Variants in APAF1 observed in about 807,000 individuals in gnomAD.
APAF1 encodes the protein apoptotic protease-activating factor 1.
APAF1 carries 91 observed loss-of-function variants against 152.4 expected under a neutral mutation model. That is an observed-to-expected ratio of 0.60 (90% CI 0.50 to 0.71). The LOEUF (loss-of-function observed/expected upper bound fraction) is 0.71, where lower values mean the gene tolerates loss of function less well. Among genes scored for constraint, APAF1 ranks in the 30% least tolerant of loss-of-function variants. APAF1 has a pLI of 0.00. For synonymous variants in APAF1, 484 were observed against 494.1 expected (o/e 0.98, Z 0.27); for missense variants, 1,283 against 1,472.0 (o/e 0.87, Z 2.10).
intron 26 of APAF1, among the ~76,000 whole-genome samples, chr12:98,729,317 T>G (rs1490728420): frequency 2.0e-5 from 3 of 152,116 alleles, no homozygotes; most frequent in Non-Finnish European, 4.4e-5. Context: ...TGGTAGGAAG[T>G]GGGGAGCGGG....
At chr12:98,696,004 G>A (rs1015190353) in intron 16 of APAF1, among the ~76,000 whole-genome samples, 4 of 152,130 alleles carry the variant, frequency 2.6e-5, no homozygotes, top group Admixed American at 2.0e-4. Flanking sequence ...TGATTTTGTT[G>A]CTGCTGTCTC....
At chr12:98,722,260 C>CT (rs569615516) in intron 22 of APAF1, among the ~76,000 whole-genome samples, 162 of 152,256 alleles carry the variant, frequency 1.1e-3, no homozygotes, top group African/African-American at 3.7e-3. Flanking sequence ...TAAGGAATTA[C>CT]TTTTTTTGAG....
chr12:98,652,282 AC>A (rs1423843150), intron 4 of APAF1, among the ~76,000 whole-genome samples: 2 of 152,188 alleles, frequency 1.3e-5, no homozygotes, highest in Non-Finnish European at 2.9e-5. Flanking sequence ...ATATACAAAT[AC>A]CAAATTTGAT....
At chr12:98,687,340 C>A (rs376505007) in intron 16 of APAF1, among the ~76,000 whole-genome samples, 9 of 145,754 alleles carry the variant, frequency 6.2e-5, no homozygotes, top group Non-Finnish European at 8.9e-5. Context: ...CCAGCCTGGG[C>A]GACAGAGTGA....
chr12:98,723,170 A>C (rs1316115046), intron 22 of APAF1, 23 bp from the exon 23 acceptor site: 1 of 1,611,472 alleles, frequency 6.2e-7, no homozygotes, highest in African/African-American at 1.3e-5. Context: ...GGATTATAAC[A>C]GACTTATTTC....
chr12:98,695,057 T>C (rs930807898), intron 16 of APAF1, among the ~76,000 whole-genome samples: 1 of 151,026 alleles, frequency 6.6e-6, no homozygotes, highest in African/African-American at 2.5e-5. Flanking sequence ...TTTCTTGCAT[T>C]TTTTTTCCCT....
At position 98,735,003 on chromosome 12, in the gene APAF1, C is replaced by T. The variant is rs1459442199; in HGVS notation, c.*2437C>T. The T allele has an allele frequency of 5.1e-6, 2 of 388,368 alleles. No homozygotes were observed. The highest frequency in any genetic ancestry group is 9.1e-6 in the Non-Finnish European group (2 of 220,598). The allele number at this position is 388,368 out of a possible 1,614,324, so 24.1% of individuals were successfully genotyped here. ...TGGCACGTGCCTGTAATCCCAGCTC[C>T]TTGGGAGGCTAAGACAGGAGGATTC... is the stretch of plus-strand genomic sequence containing the variant. On this transcript the variant is annotated 3_prime_UTR_variant, in exon 27 of 27. Transcript: ENST00000551964.
intron 16 of APAF1, among the ~76,000 whole-genome samples, chr12:98,692,199 C>G (rs918796572): frequency 6.6e-6 from 1 of 152,124 alleles, no homozygotes; most frequent in African/African-American, 2.4e-5. Context: ...TCTCCTGCCT[C>G]AGCCTCCCTA....
intron 18 of APAF1, among the ~76,000 whole-genome samples, chr12:98,704,389 T>TA (rs2097719107): frequency 6.6e-6 from 1 of 152,174 alleles, no homozygotes; most frequent in East Asian, 1.9e-4. Flanking sequence ...TTTTGGAAAA[T>TA]AGAGAAATTC....
rs745791119 is a variant in APAF1, at chr12:98,686,836, A to T, written c.2267A>T (p.Lys756Met). The change falls in exon 16 of 27, where the codon AAG becomes ATG. Residue 756 changes from lysine to methionine, a missense_variant. Lys to Met is a moderately conservative substitution (Grantham distance 95, BLOSUM62 -1). Transcript: ENST00000551964. Reference protein sequence around the residue: ...VNHCRFSPDDKLLASCSADGT... With the variant: ...VNHCRFSPDDMLLASCSADGT... ...CACTGCAGATTTTCACCAGATGATA[A>T]GCTTTTGGCTAGTTGTTCAGCTGAT... The T allele has an allele frequency of 6.2e-7, 1 of 1,614,042 alleles. No individual in the cohort carries two copies. The highest frequency in any genetic ancestry group is 1.1e-5 in the South Asian group (1 of 91,066).
At chr12:98,653,563 A>G (rs1284616700) in intron 4 of APAF1, among the ~76,000 whole-genome samples, 1 of 146,822 alleles carries the variant, frequency 6.8e-6, no homozygotes, top group Non-Finnish European at 1.5e-5. Context: ...TGGCTGAGGC[A>G]TAAGAATCGC....
intron 26 of APAF1, among the ~76,000 whole-genome samples, chr12:98,727,815 C>T (rs994899122): frequency 6.6e-6 from 1 of 151,778 alleles, no homozygotes; most frequent in Non-Finnish European, 1.5e-5. Flanking sequence ...GTGGCATATG[C>T]CTGTAATCCC....
rs2097745798 is a variant in APAF1 at position 98,723,383 on chromosome 12, A to G, written c.3204+71A>G. On this transcript the variant is annotated intron_variant, in intron 23 of 26. Coordinates refer to ENST00000551964, the MANE Select transcript of APAF1 (RefSeq NM_181861.2). ...TGCAATGATTATATTGAGACAGTCA[A>G]AAGCCACTGTGAGGCTAATTACTTA... 7.2e-6 allele frequency: 11 copies of G among 1,523,340 alleles called. No homozygotes were observed. In the African/African-American group the frequency reaches 8.2e-5, roughly 11 times the overall value. The allele number at this position is 1,523,340 out of a possible 1,614,324, so 94.4% of individuals were successfully genotyped here. A position where few individuals can be genotyped will look rare whatever the true frequency, so the allele number is the denominator to read the frequency against.
Position 98,666,234 on chromosome 12 carries a change from C to T in APAF1, c.1239C>T (p.Asp413=). 3 of 1,613,886 alleles carry T rather than the reference C, an allele frequency of 1.9e-6. No individual in the cohort carries two copies. The highest frequency in any genetic ancestry group is 1.7e-5 in the Admixed American group (1 of 60,026). Residue 413 remains aspartate, a synonymous_variant, in exon 9 of 27, where the codon GAC becomes GAT. Coordinates refer to ENST00000551964, the MANE Select transcript of APAF1 (RefSeq NM_181861.2). ...ACATGGAAACTGAAGAAGTTGAAGA[C>T]ATACTGCAGGAGTTTGTAAATAAGT... is the stretch of plus-strand genomic sequence containing the variant. ...LWDMETEEVE[D]ILQEFVNKSL...
intron 11 of APAF1, 77 bp downstream of exon 11, chr12:98,671,163 TG>T: frequency 2.1e-6 from 2 of 942,558 alleles, no homozygotes; most frequent in Non-Finnish European, 3.4e-6. Flanking sequence ...GATTTAATGA[TG>T]GGAATGAGCA....
intron 4 of APAF1, among the ~76,000 whole-genome samples, chr12:98,656,778 TC>T (rs577464937): frequency 2.0e-5 from 3 of 152,194 alleles, no homozygotes; most frequent in Non-Finnish European, 4.4e-5. Flanking sequence ...TTCCTTTATA[TC>T]CTACATACTT....
At chr12:98,658,077 G>C (rs1213547777) in intron 4 of APAF1, among the ~76,000 whole-genome samples, 2 of 151,704 alleles carry the variant, frequency 1.3e-5, no homozygotes, top group African/African-American at 4.8e-5. Context: ...TCTGTTTTTT[G>C]CTTTTTTTGG....
intron 26 of APAF1, among the ~76,000 whole-genome samples, chr12:98,730,952 A>T (rs1301714391): frequency 6.6e-6 from 1 of 152,246 alleles, no homozygotes; most frequent in African/African-American, 2.4e-5. Flanking sequence ...AGAAATTCAC[A>T]TTAATTCATG....
At chr12:98,694,395 ATTATT>A (rs1164294826) in intron 16 of APAF1, among the ~76,000 whole-genome samples, 1 of 152,124 alleles carries the variant, frequency 6.6e-6, no homozygotes, top group Non-Finnish European at 1.5e-5. Context: ...ATTTCCTTGA[ATTATT>A]TGATTTCTTC....
Sources: gnomAD v4.1 joint callset for allele counts (sites outside exome capture counted in the v4.1 genomes callset) on GRCh38, gnomAD v4.1.1 for gene constraint, MANE v1.5 for transcripts, NCBI Gene and HGNC (gene_info 2026-07-23, HGNC 2026-07-21) for gene names.